Variants in CCDC148 observed in about 807,000 individuals in gnomAD.
CCDC148 encodes the protein coiled-coil domain containing 148, also known as coiled-coil domain-containing protein 148.
A neutral mutation model predicts 85.7 loss-of-function variants in CCDC148; 89 were observed. That is an observed-to-expected ratio of 1.04 (90% CI 0.87 to 1.24). The LOEUF (loss-of-function observed/expected upper bound fraction) is 1.24, where lower values mean the gene tolerates loss of function less well. Among genes scored for constraint, CCDC148 ranks in the 50% most tolerant of loss-of-function variants. The probability of loss-of-function intolerance (pLI) is 0.00; values close to 1 mark genes in which losing one functional copy is unlikely to be tolerated. For synonymous variants in CCDC148, 230 were observed against 213.9 expected (o/e 1.08, Z -0.66); for missense variants, 692 against 671.7 (o/e 1.03, Z -0.33).
At chr2:158,257,343 T>A (rs2105148142) in intron 9 of CCDC148, among the ~76,000 whole-genome samples, 1 of 152,012 alleles carries the variant, frequency 6.6e-6, no homozygotes, top group East Asian at 1.9e-4. Context: ...TATAAGCTTC[T>A]AAATTCAGTT....
At chr2:158,354,993 A>C (rs1683547833) in intron 2 of CCDC148, among the ~76,000 whole-genome samples, 1 of 152,196 alleles carries the variant, frequency 6.6e-6, no homozygotes, top group African/African-American at 2.4e-5. Flanking sequence ...CATTATCTCA[A>C]TAGATGCAGA....
chr2:158,260,248 TA>T (rs1449995307), intron 9 of CCDC148, among the ~76,000 whole-genome samples: 1 of 151,786 alleles, frequency 6.6e-6, no homozygotes, highest in East Asian at 1.9e-4. Context: ...TAAACAGAAC[TA>T]AAGACAAAAA....
chr2:158,244,534 C>T (rs1013013510), intron 10 of CCDC148, among the ~76,000 whole-genome samples: 18 of 152,066 alleles, frequency 1.2e-4, no homozygotes, highest in Admixed American at 5.2e-4. Context: ...GCCATCAGCC[C>T]GGGCCACCCT....
chr2:158,239,554 G>T (rs558738034), intron 10 of CCDC148, among the ~76,000 whole-genome samples: 2 of 140,174 alleles, frequency 1.4e-5, no homozygotes, highest in East Asian at 4.8e-4. Context: ...TCAGTCTCAT[G>T]TTAGAAGGTT....
chr2:158,441,407 A>G (rs1396548469), intron 1 of CCDC148, among the ~76,000 whole-genome samples: 1 of 152,238 alleles, frequency 6.6e-6, no homozygotes, highest in Non-Finnish European at 1.5e-5. Context: ...ACTAAATATC[A>G]CACCAAAAAT....
chr2:158,441,458 A>G (rs1687928472), intron 1 of CCDC148, among the ~76,000 whole-genome samples: 1 of 152,350 alleles, frequency 6.6e-6, no homozygotes, highest in African/African-American at 2.4e-5. Context: ...AGTTTACAAA[A>G]TAAGTACAGA....
intron 9 of CCDC148, among the ~76,000 whole-genome samples, chr2:158,299,475 T>C (rs1387876544): frequency 1.3e-5 from 2 of 152,216 alleles, no homozygotes; most frequent in East Asian, 3.9e-4. Context: ...AAGACTATCA[T>C]TTTCTGCTTA....
Position 158,449,274 on chromosome 2 carries a change from A to G in CCDC148, c.25+7141T>C, listed in dbSNP as rs563051473. Among the ~76,000 whole-genome samples, 5 of 152,288 alleles carry G rather than the reference A, an allele frequency of 3.3e-5. No individual in the cohort carries two copies. In the South Asian group the frequency reaches 1.0e-3, roughly 32 times the overall value. ...GATTTTTTATGTATAAGGTCAAGTA[A>G]TCTGTAAATAAAGACAGCTTTAATT... On this transcript the variant is annotated intron_variant, in intron 1 of 13. Transcript: ENST00000283233.
At chr2:158,248,835 C>T (rs1688675836) in intron 10 of CCDC148, among the ~76,000 whole-genome samples, 1 of 152,024 alleles carries the variant, frequency 6.6e-6, no homozygotes, top group Non-Finnish European at 1.5e-5. Context: ...CCTAAGTGTC[C>T]TTGTTTTAAG....
At chr2:158,407,037 A>G (rs1365846613) in intron 1 of CCDC148, among the ~76,000 whole-genome samples, 1 of 150,738 alleles carries the variant, frequency 6.6e-6, no homozygotes, top group Non-Finnish European at 1.5e-5. Context: ...TTTCCCCTCT[A>G]CTCGCATTTC....
intron 3 of CCDC148, among the ~76,000 whole-genome samples, chr2:158,341,227 T>C (rs1466147627): frequency 6.6e-6 from 1 of 152,088 alleles, no homozygotes; most frequent in Non-Finnish European, 1.5e-5. Context: ...TACATATGTA[T>C]ACATATATAT....
At chr2:158,232,225 C>T (rs1687889750) in intron 10 of CCDC148, among the ~76,000 whole-genome samples, 1 of 151,954 alleles carries the variant, frequency 6.6e-6, no homozygotes, top group African/African-American at 2.4e-5. Flanking sequence ...TTTCACAGTC[C>T]CACATTTTGT....
At chr2:158,191,896 C>G (rs1226073780) in intron 11 of CCDC148, among the ~76,000 whole-genome samples, 1 of 151,978 alleles carries the variant, frequency 6.6e-6, no homozygotes, top group Non-Finnish European at 1.5e-5. Flanking sequence ...GAGCCCATCT[C>G]CAGTGCCTAC....
intron 11 of CCDC148, among the ~76,000 whole-genome samples, chr2:158,206,915 A>G (rs943145946): frequency 3.3e-5 from 5 of 152,226 alleles, no homozygotes; most frequent in African/African-American, 1.2e-4. Flanking sequence ...GATGGGGAAC[A>G]GGAGATACGG....
chr2:158,424,676 C>T (rs1187388838), intron 1 of CCDC148: 1 of 193,912 alleles, frequency 5.2e-6, no homozygotes, highest in African/African-American at 2.4e-5. Context: ...TGTAACAAAC[C>T]TGCACGTTAT....
intron 8 of CCDC148, 53 bp from the exon 9 acceptor site, chr2:158,309,692 T>G (rs1273654950): frequency 1.6e-6 from 2 of 1,224,088 alleles, no homozygotes; most frequent in Non-Finnish European, 2.3e-6. Flanking sequence ...GAGCTTACAT[T>G]TTGCATCATT....
intron 9 of CCDC148, among the ~76,000 whole-genome samples, chr2:158,304,872 G>A (rs1358420235): frequency 1.3e-5 from 2 of 152,040 alleles, no homozygotes; most frequent in Non-Finnish European, 2.9e-5. Flanking sequence ...TATGGAAGTG[G>A]GTAAGAAGAC....
intron 9 of CCDC148, among the ~76,000 whole-genome samples, chr2:158,283,990 A>G (rs1283225808): frequency 1.3e-5 from 2 of 150,602 alleles, no homozygotes; most frequent in Non-Finnish European, 3.0e-5. Flanking sequence ...CATGGATGAA[A>G]TTGGAAATCA....
chr2:158,192,860 T>C (rs1252163850), intron 11 of CCDC148, among the ~76,000 whole-genome samples: 1 of 134,508 alleles, frequency 7.4e-6, no homozygotes, highest in Non-Finnish European at 1.6e-5. Flanking sequence ...ATGGTCTAAA[T>C]AGAAAAAAAA....
Sources: allele counts gnomAD v4.1 joint callset (sites outside exome capture counted in the v4.1 genomes callset), GRCh38; gene constraint gnomAD v4.1.1; transcripts MANE v1.5; gene names NCBI Gene and HGNC (gene_info 2026-07-23, HGNC 2026-07-21).